Variants in THADA observed in about 807,000 individuals in gnomAD.
THADA encodes tRNA (32-2'-O)-methyltransferase regulator THADA.
A neutral mutation model predicts 219.8 loss-of-function variants in THADA; 213 were observed. The observed-to-expected ratio is 0.97, with a 90% confidence interval of 0.87 to 1.09. The LOEUF (loss-of-function observed/expected upper bound fraction) is 1.09. Ranked by LOEUF, THADA falls within the 50% of genes least tolerant of loss-of-function variation. The probability of loss-of-function intolerance (pLI) is 0.00; values close to 1 mark genes in which losing one functional copy is unlikely to be tolerated. For synonymous variants in THADA, 1,018 were observed against 828.9 expected (o/e 1.23, Z -3.92); for missense variants, 2,956 against 2,311.3 (o/e 1.28, Z -5.72).
chr2:43,417,731 C>T (rs1677174214), intron 28 of THADA, among the ~76,000 whole-genome samples: 1 of 152,140 alleles, frequency 6.6e-6, no homozygotes, highest in Non-Finnish European at 1.5e-5. Context: ...GTGTTAAGAG[C>T]TAGAATAGCT....
intron 21 of THADA, among the ~76,000 whole-genome samples, chr2:43,540,637 G>C (rs1388876591): frequency 6.6e-6 from 1 of 152,142 alleles, no homozygotes; most frequent in Non-Finnish European, 1.5e-5. Context: ...CTTGTGGTAA[G>C]CTAACTTCTT....
rs867018231 is a variant in THADA at position 43,293,165 on chromosome 2, C to A, written c.4487G>T (p.Gly1496Val). The change falls in exon 32 of 38, where the codon GGA becomes GTA. Residue 1496 changes from glycine to valine, a missense_variant. Physicochemically the swap from Gly to Val is moderately radical, Grantham distance 109 (BLOSUM62 -3). Coordinates refer to ENST00000405975, the MANE Select transcript of THADA (RefSeq NM_022065.5). Reference sequence around the variant, plus strand: ...AGGGAATCCCGTTATCAGCTCTGATCCTGAGATAATCCCTCTGACTTCCTC... The same window carrying A: ...AGGGAATCCCGTTATCAGCTCTGATACTGAGATAATCCCTCTGACTTCCTC... ...FWEEVRGIIS[G>V]SELITGFPWA... 2.5e-6 allele frequency: 4 copies of A among 1,613,894 alleles called. No individual in the cohort carries two copies. Among genetic ancestry groups the A allele is most frequent in the Non-Finnish European group, 3.4e-6 (4 of 1,179,856 alleles).
chr2:43,505,781 A>G, intron 23 of THADA, 46 bp from the exon 24 acceptor site: 1 of 1,363,480 alleles, frequency 7.3e-7, no homozygotes, highest in Middle Eastern at 1.8e-4. Flanking sequence ...TAGTTTACAT[A>G]TACTTGTTTG....
rs1054457029 is a variant in THADA, at chr2:43,361,768, G to C, written c.4228-17531C>G. Among the ~76,000 whole-genome samples the C allele has an allele frequency of 5.9e-5, 9 of 152,306 alleles. No individual in the cohort carries two copies. In the South Asian group the frequency reaches 1.7e-3, roughly 28 times the overall value. On this transcript the variant is annotated intron_variant, in intron 29 of 37. Coordinates refer to ENST00000405975, the MANE Select transcript of THADA (RefSeq NM_022065.5). ...TATGATTATCCCTCAGGTGCTTTAA[G>C]AAATACATTATTTGTTATCAAGGTT...
chr2:43,509,522 T>A (rs1198297347), intron 22 of THADA, among the ~76,000 whole-genome samples: 1 of 152,178 alleles, frequency 6.6e-6, no homozygotes, highest in Non-Finnish European at 1.5e-5. Context: ...AATTAATATA[T>A]GAAAATTTAC....
intron 29 of THADA, among the ~76,000 whole-genome samples, chr2:43,353,285 G>T (rs537660618): frequency 6.6e-6 from 1 of 152,102 alleles, no homozygotes. Flanking sequence ...ATCAATCTGC[G>T]TGCCCACTCA....
At chr2:43,486,188 A>C (rs758187259) in intron 25 of THADA, among the ~76,000 whole-genome samples, 10 of 152,204 alleles carry the variant, frequency 6.6e-5, no homozygotes, top group Non-Finnish European at 1.5e-4. Flanking sequence ...TCAGCTTCAC[A>C]ATGCAAGTAA....
In THADA at chr2:43,271,066, C is replaced by T. The variant is rs567856396; in HGVS notation, c.5296+8699G>A. ...GCCACCTCCCCTAGGCCTTCCAGAT[C>T]GATTCATGTAGCCTTGGCTCTGGTC... On this transcript the variant is annotated intron_variant, in intron 36 of 37. Coordinates refer to ENST00000405975, the MANE Select transcript of THADA (RefSeq NM_022065.5). Among the ~76,000 whole-genome samples the T allele has an allele frequency of 5.8e-4, 88 of 152,248 alleles. No individual in the cohort carries two copies. In the East Asian group the frequency reaches 6.2e-3, roughly 11 times the overall value.
chr2:43,250,061 A>G (rs1669657506), intron 36 of THADA, among the ~76,000 whole-genome samples: 3 of 152,240 alleles, frequency 2.0e-5, no homozygotes, highest in Admixed American at 2.0e-4. Context: ...TACATACCCA[A>G]GAGAACTGAA....
intron 20 of THADA, among the ~76,000 whole-genome samples, chr2:43,542,547 T>C: frequency 6.6e-6 from 1 of 152,140 alleles, no homozygotes; most frequent in Non-Finnish European, 1.5e-5. Flanking sequence ...CTGCAGAAAA[T>C]TCAGTAACAA....
chr2:43,440,153 G>T (rs1477531008), intron 26 of THADA, among the ~76,000 whole-genome samples: 4 of 151,968 alleles, frequency 2.6e-5, no homozygotes, highest in Admixed American at 6.6e-5. Flanking sequence ...GTGCATACAG[G>T]TATATACTTT....
chr2:43,329,973 G>C (rs1214814232), intron 30 of THADA, among the ~76,000 whole-genome samples: 1 of 152,126 alleles, frequency 6.6e-6, no homozygotes, highest in Non-Finnish European at 1.5e-5. Context: ...GCCCTCCCCT[G>C]GTCTCCTCTA....
At chr2:43,409,972 G>A (rs1400548984) in intron 28 of THADA, among the ~76,000 whole-genome samples, 1 of 151,266 alleles carries the variant, frequency 6.6e-6, no homozygotes, top group Non-Finnish European at 1.5e-5. Flanking sequence ...AGCTGTGACT[G>A]TGCCACTGCA....
intron 26 of THADA, among the ~76,000 whole-genome samples, chr2:43,447,671 A>AAAAAG (rs1327050904): frequency 6.6e-6 from 1 of 152,218 alleles, no homozygotes; most frequent in Non-Finnish European, 1.5e-5. Flanking sequence ...AGCACTCAGG[A>AAAAAG]CACAAAGTGC....
intron 29 of THADA, among the ~76,000 whole-genome samples, chr2:43,364,387 T>TC (rs1669885971): frequency 6.6e-6 from 1 of 152,160 alleles, no homozygotes; most frequent in South Asian, 2.1e-4. Flanking sequence ...GTTCCCCAAA[T>TC]GTTAGTTCTT....
intron 36 of THADA, among the ~76,000 whole-genome samples, chr2:43,268,696 G>A (rs542851764): frequency 6.6e-6 from 1 of 152,330 alleles, no homozygotes; most frequent in Non-Finnish European, 1.5e-5. Context: ...GGCCAGTGAA[G>A]AGGCCTCTCC....
At chr2:43,369,956 C>T (rs1197850587) in intron 29 of THADA, among the ~76,000 whole-genome samples, 1 of 152,174 alleles carries the variant, frequency 6.6e-6, no homozygotes, top group Admixed American at 6.5e-5. Flanking sequence ...TGTGTCTCCC[C>T]AACCATGCTG....
At chr2:43,501,937 C>A (rs1158546182) in intron 24 of THADA, among the ~76,000 whole-genome samples, 1 of 152,048 alleles carries the variant, frequency 6.6e-6, no homozygotes, top group Non-Finnish European at 1.5e-5. Context: ...GAGAGAGACT[C>A]CATCTCAAAA....
intron 30 of THADA, among the ~76,000 whole-genome samples, chr2:43,331,948 T>C (rs72788900): frequency 0.13 from 15,613 of 121,108 alleles, 876 homozygotes; most frequent in Admixed American, 0.15. Flanking sequence ...CACACACACA[T>C]TAGGTTCCCA....
Sources: gnomAD v4.1 joint callset for allele counts (sites outside exome capture counted in the v4.1 genomes callset) on GRCh38, gnomAD v4.1.1 for gene constraint, MANE v1.5 for transcripts, NCBI Gene and HGNC (gene_info 2026-07-23, HGNC 2026-07-21) for gene names.